PDGFD: variants seen among roughly 807,000 people sequenced by gnomAD.
The protein encoded by PDGFD is platelet-derived growth factor D.
Under a neutral mutation model 44.7 loss-of-function variants are expected in PDGFD, and 30 were observed. The observed-to-expected ratio is 0.67, with a 90% CI of 0.50 to 0.91. The LOEUF is 0.91. PDGFD is among the 40% of genes least tolerant of loss of function. The pLI, the probability that PDGFD is intolerant of heterozygous loss-of-function variation, is 0.00. For synonymous variants in PDGFD, 173 were observed against 168.4 expected (o/e 1.03, Z -0.21); for missense variants, 445 against 457.8 (o/e 0.97, Z 0.25).
intron 1 of PDGFD, among the ~76,000 whole-genome samples, chr11:104,070,610 A>AC (rs2134420786): frequency 6.6e-6 from 1 of 152,344 alleles, no homozygotes; most frequent in African/African-American, 2.4e-5. Flanking sequence ...TCCCTCTGGT[A>AC]AAATCATGCT....
chr11:104,137,117 T>C (rs1213019456), intron 1 of PDGFD, among the ~76,000 whole-genome samples: 1 of 152,228 alleles, frequency 6.6e-6, no homozygotes, highest in Non-Finnish European at 1.5e-5. Context: ...AACACTAGGT[T>C]TGTGATACCA....
At chr11:103,940,175 A>C (rs1858562100) in intron 5 of PDGFD, among the ~76,000 whole-genome samples, 2 of 152,116 alleles carry the variant, frequency 1.3e-5, no homozygotes, top group Admixed American at 1.3e-4. Flanking sequence ...ACTAAATAAA[A>C]AGAAGCAAAA....
intron 6 of PDGFD, 80 bp from the exon 7 acceptor site, chr11:103,909,899 G>A: frequency 6.4e-7 from 1 of 1,556,764 alleles, no homozygotes; most frequent in East Asian, 2.2e-5. Flanking sequence ...TTACCTTTTT[G>A]ACAACTAGTT....
In PDGFD at chr11:104,036,689, G is replaced by C. The variant is rs1031193989; in HGVS notation, c.125-36434C>G. 1.3e-5 allele frequency: 9 copies of C among 712,028 alleles called. No homozygotes were observed. In the African/African-American group the frequency reaches 1.6e-4, roughly 13 times the overall value. The allele number at this position is 712,028 out of a possible 1,614,324, so 44.1% of individuals were successfully genotyped here. ...GACAGATGAGTGTCCGCGCCTCTCT[G>C]AGAGGTGAATGAGCCCGGACGGTCC... is the stretch of plus-strand genomic sequence containing the variant. On this transcript the variant is annotated intron_variant, in intron 1 of 6. Coordinates refer to ENST00000393158, the MANE Select transcript of PDGFD (RefSeq NM_025208.5).
At chr11:104,009,680 A>C (rs1217963546) in intron 1 of PDGFD, among the ~76,000 whole-genome samples, 1 of 152,114 alleles carries the variant, frequency 6.6e-6, no homozygotes, top group Non-Finnish European at 1.5e-5. Context: ...CAGACCCTAA[A>C]ATATGCAACT....
intron 1 of PDGFD, among the ~76,000 whole-genome samples, chr11:104,145,677 G>A (rs1862151471): frequency 6.6e-6 from 1 of 152,084 alleles, no homozygotes; most frequent in Admixed American, 6.5e-5. Context: ...TTGTGAAATA[G>A]TTCAGTTTTC....
At chr11:103,968,139 T>G (rs1859048941) in intron 3 of PDGFD, among the ~76,000 whole-genome samples, 2 of 152,186 alleles carry the variant, frequency 1.3e-5, no homozygotes, top group South Asian at 4.1e-4. Flanking sequence ...AATATTATGC[T>G]CTGGTGTTCT....
intron 1 of PDGFD, among the ~76,000 whole-genome samples, chr11:104,003,523 CT>C (rs1449362279): frequency 6.6e-6 from 1 of 152,116 alleles, no homozygotes; most frequent in Non-Finnish European, 1.5e-5. Context: ...AGTGATGCCA[CT>C]TTGGGGGAAA....
intron 1 of PDGFD, among the ~76,000 whole-genome samples, chr11:104,029,184 C>G (rs1178884329): frequency 3.9e-5 from 6 of 152,070 alleles, no homozygotes; most frequent in Admixed American, 3.9e-4. Flanking sequence ...GTTCCCAAAC[C>G]ATTTAAAAAA....
intron 1 of PDGFD, among the ~76,000 whole-genome samples, chr11:104,098,209 C>T (rs952252487): frequency 1.3e-5 from 2 of 152,034 alleles, no homozygotes; most frequent in East Asian, 1.9e-4. Flanking sequence ...TGACTCAGGG[C>T]GAGGCATTTA....
chr11:104,018,972 C>T (rs757039489), intron 1 of PDGFD, among the ~76,000 whole-genome samples: 2 of 152,176 alleles, frequency 1.3e-5, no homozygotes, highest in Non-Finnish European at 2.9e-5. Flanking sequence ...GCTCCAAGCA[C>T]TTCCCTGCCT....
chr11:104,132,077 AG>A (rs1861932161), intron 1 of PDGFD, among the ~76,000 whole-genome samples: 1 of 151,942 alleles, frequency 6.6e-6, no homozygotes, highest in Non-Finnish European at 1.5e-5. Flanking sequence ...GCCAAAAAAC[AG>A]GTAAGTATCA....
chr11:104,097,007 T>A lies in PDGFD; in HGVS notation c.124+66797A>T, dbSNP rs684212. ...CTTTTCATACTAAATAGTTTTATTC[T>A]TCAACAAGTCAGGCCTTATAGTACT... On this transcript the variant is annotated intron_variant, in intron 1 of 6. Coordinates refer to ENST00000393158, the MANE Select transcript of PDGFD (RefSeq NM_025208.5). Among the ~76,000 whole-genome samples the A allele has an allele frequency of 3.6e-4, 55 of 152,132 alleles. No individual in the cohort carries two copies. In the East Asian group the frequency reaches 3.9e-3, roughly 11 times the overall value.
intron 1 of PDGFD, among the ~76,000 whole-genome samples, chr11:104,070,618 GCTC>G (rs1396442951): frequency 3.3e-5 from 5 of 152,066 alleles, no homozygotes; most frequent in Admixed American, 1.3e-4. Flanking sequence ...GTAAAATCAT[GCTC>G]CTCATTTGTA....
chr11:104,016,256 T>C (rs1188365953), intron 1 of PDGFD, among the ~76,000 whole-genome samples: 1 of 152,214 alleles, frequency 6.6e-6, no homozygotes, highest in Non-Finnish European at 1.5e-5. Flanking sequence ...TTTTTCCACC[T>C]TTCTGTTCTG....
chr11:103,935,034 A>C (rs892451481), intron 5 of PDGFD, among the ~76,000 whole-genome samples: 1 of 152,224 alleles, frequency 6.6e-6, no homozygotes. Flanking sequence ...TTAGCACAGC[A>C]AACACAAGGA....
intron 1 of PDGFD, among the ~76,000 whole-genome samples, chr11:104,106,045 TA>T (rs1164100922): frequency 2.0e-5 from 3 of 152,112 alleles, no homozygotes; most frequent in Non-Finnish European, 2.9e-5. Context: ...AATCTTCATT[TA>T]AAAAAATTAA....
At chr11:103,980,133 A>C (rs1390450811) in intron 3 of PDGFD, among the ~76,000 whole-genome samples, 1 of 152,200 alleles carries the variant, frequency 6.6e-6, no homozygotes, top group South Asian at 2.1e-4. Flanking sequence ...TGTTACAGAG[A>C]TAGTACAGAG....
intron 1 of PDGFD, among the ~76,000 whole-genome samples, chr11:104,146,852 A>G (rs1446858732): frequency 6.6e-6 from 1 of 152,158 alleles, no homozygotes; most frequent in African/African-American, 2.4e-5. Flanking sequence ...GACATAAAAA[A>G]GGATACAGTA....
Sources: gnomAD v4.1 joint callset for allele counts (sites outside exome capture counted in the v4.1 genomes callset) on GRCh38, gnomAD v4.1.1 for gene constraint, MANE v1.5 for transcripts, NCBI Gene and HGNC (gene_info 2026-07-23, HGNC 2026-07-21) for gene names.